Variants in HNF1B observed in about 807,000 individuals in gnomAD.
The protein encoded by HNF1B is HNF1 homeobox B, also known as hepatocyte nuclear factor 1-beta.
In HNF1B, 8 loss-of-function variants were observed where a neutral mutation model predicts 61.7. The ratio of observed to expected loss-of-function variants is 0.13; its 90% confidence interval spans 0.08 to 0.23. The LOEUF (loss-of-function observed/expected upper bound fraction) is 0.23. Ranked by LOEUF, HNF1B falls within the 10% of genes least tolerant of loss-of-function variation. The pLI is 1.00. For missense variants in HNF1B, 562 were observed against 714.5 expected (o/e 0.79, Z 2.43); for synonymous variants, 314 against 287.7 (o/e 1.09, Z -0.93).
At chr17:37,722,047 C>A (rs2147510099) in intron 4 of HNF1B, among the ~76,000 whole-genome samples, 1 of 152,196 alleles carries the variant, frequency 6.6e-6, no homozygotes, top group African/African-American at 2.4e-5. Context: ...GTGGAGGGAG[C>A]CATGTCTATT....
At chr17:37,724,897 T>C (rs2033440843) in intron 4 of HNF1B, among the ~76,000 whole-genome samples, 1 of 96,242 alleles carries the variant, frequency 1.0e-5, no homozygotes, top group Non-Finnish European at 1.9e-5. Context: ...AACTTCTATA[T>C]GTATGCGTGT....
chr17:37,698,463 T>C (rs1317051808), intron 8 of HNF1B, among the ~76,000 whole-genome samples: 1 of 152,112 alleles, frequency 6.6e-6, no homozygotes, highest in Non-Finnish European at 1.5e-5. Flanking sequence ...GCCTCTGGAT[T>C]CCCCACTTTC....
At chr17:37,696,010 G>C (rs1021741062) in intron 8 of HNF1B, among the ~76,000 whole-genome samples, 1 of 152,106 alleles carries the variant, frequency 6.6e-6, no homozygotes, top group Admixed American at 6.6e-5. Flanking sequence ...GGAATGATAT[G>C]GTCTGGATGT....
chr17:37,739,880 C>T (rs2033942358), intron 1 of HNF1B, among the ~76,000 whole-genome samples: 1 of 152,090 alleles, frequency 6.6e-6, no homozygotes, highest in Admixed American at 6.5e-5. Flanking sequence ...GACTTCCCAT[C>T]TTCAGGAATA....
At position 37,718,264 on chromosome 17, in the gene HNF1B, C is replaced by G. The variant is rs770864693; in HGVS notation, c.1046-7601G>C. 7.9e-5 allele frequency among the ~76,000 whole-genome samples: 12 copies of G among 152,226 alleles called. 1 individual carries two copies. The highest frequency in any genetic ancestry group is 3.2e-3 in the Middle Eastern group (1 of 316). ...GGGAGGTAGAAGACCAACAGAAACT[C>G]TGTGTGTCCTCCCCCACAAGGTCTA... On this transcript the variant is annotated intron_variant, in intron 4 of 8. Transcript: ENST00000617811.
intron 4 of HNF1B, 100 bp downstream of exon 4, chr17:37,731,495 A>G (rs1328144729): frequency 2.1e-6 from 2 of 952,856 alleles, no homozygotes; most frequent in Non-Finnish European, 3.3e-6. Context: ...GATCATCTCA[A>G]AAGCGTTTGC....
At chr17:37,735,138 A>G (rs2033796817) in intron 2 of HNF1B, among the ~76,000 whole-genome samples, 2 of 152,092 alleles carry the variant, frequency 1.3e-5, no homozygotes, top group South Asian at 4.2e-4. Flanking sequence ...CAGGTCACAG[A>G]AAGTGGAAGG....
chr17:37,735,678 C>G (rs751094901), intron 2 of HNF1B, among the ~76,000 whole-genome samples: 1 of 152,180 alleles, frequency 6.6e-6, no homozygotes, highest in African/African-American at 2.4e-5. Flanking sequence ...TGACTGAAAG[C>G]TTAGGGACAC....
At chr17:37,726,456 C>T (rs2033501184) in intron 4 of HNF1B, among the ~76,000 whole-genome samples, 1 of 152,182 alleles carries the variant, frequency 6.6e-6, no homozygotes, top group Admixed American at 6.5e-5. Context: ...TCAACACTGG[C>T]CATTAGAATT....
intron 6 of HNF1B, 72 bp downstream of exon 6, chr17:37,704,845 T>C: frequency 6.4e-7 from 1 of 1,559,002 alleles, no homozygotes; most frequent in East Asian, 2.2e-5. Flanking sequence ...ACAGTTATTT[T>C]TCACCACATT....
chr17:37,689,071 G>A (rs1472278632), intron 8 of HNF1B, among the ~76,000 whole-genome samples: 3 of 151,544 alleles, frequency 2.0e-5, no homozygotes, highest in African/African-American at 7.3e-5. Flanking sequence ...TTTGAACCCA[G>A]GAGGCGGAGG....
chr17:37,702,288 T>C (rs2032598005), intron 6 of HNF1B, among the ~76,000 whole-genome samples: 1 of 152,140 alleles, frequency 6.6e-6, no homozygotes, highest in Non-Finnish European at 1.5e-5. Context: ...TCAATGGAGA[T>C]AACACGGAGT....
chr17:37,723,105 C>T (rs1165486492), intron 4 of HNF1B, among the ~76,000 whole-genome samples: 4 of 151,568 alleles, frequency 2.6e-5, no homozygotes, highest in Non-Finnish European at 4.4e-5. Flanking sequence ...TTTGGGAGGC[C>T]GAGGCGGGCA....
Position 37,733,866 on chromosome 17 carries a change from C to T in HNF1B, c.545-45G>A, listed in dbSNP as rs1055888510. 8.2e-6 allele frequency: 13 copies of T among 1,592,970 alleles called. No homozygotes were observed. In the Admixed American group the frequency reaches 1.2e-4, roughly 15 times the overall value. On this transcript the variant is annotated intron_variant, in intron 2 of 8. Transcript: ENST00000617811. The stretch of plus-strand genomic sequence containing the variant: ...GATTTGATAGGGTCTGTAGCCTTCA[C>T]TCAGCAGACAGACAGACAGACAGAC...
chr17:37,738,873 C>T (rs577972380), intron 2 of HNF1B, among the ~76,000 whole-genome samples: 60 of 152,346 alleles, frequency 3.9e-4, no homozygotes, highest in Middle Eastern at 3.4e-3. Flanking sequence ...CACACTCTAC[C>T]AGTGTTGGTA....
intron 7 of HNF1B, among the ~76,000 whole-genome samples, chr17:37,700,362 T>C (rs990469553): frequency 2.0e-5 from 3 of 152,010 alleles, no homozygotes; most frequent in South Asian, 2.1e-4. Context: ...GGTATAGAAA[T>C]TGGATATGAG....
chr17:37,727,338 A>G (rs1428535925), intron 4 of HNF1B, among the ~76,000 whole-genome samples: 3 of 152,148 alleles, frequency 2.0e-5, no homozygotes, highest in African/African-American at 7.2e-5. Context: ...GTGGGGGCGG[A>G]TAAAGGCCTT....
rs1018558305 is a variant in HNF1B at position 37,739,354 on chromosome 17, C to T, written c.544+86G>A. On this transcript the variant is annotated intron_variant, in intron 2 of 8. Transcript: ENST00000617811. ...CTGCCAAGTGCTCACAAGGCCTTGTCGATGAAAGGGAAACTGAGGCAGCCA... is the reference window on the plus strand; with the variant it reads ...CTGCCAAGTGCTCACAAGGCCTTGTTGATGAAAGGGAAACTGAGGCAGCCA... 21 of 1,272,258 alleles carry T rather than the reference C, an allele frequency of 1.7e-5. No homozygotes were observed. The East Asian group carries it at 2.3e-4, about 14-fold the overall frequency. 78.8% of individuals were successfully genotyped at this position (1,272,258 alleles called of 1,614,324 possible).
chr17:37,705,534 T>A (rs1598810281), intron 5 of HNF1B, among the ~76,000 whole-genome samples: 1 of 152,158 alleles, frequency 6.6e-6, no homozygotes, highest in Non-Finnish European at 1.5e-5. Flanking sequence ...ATTACAAAAT[T>A]TTTTTTCTTT....
Sources: gnomAD v4.1 joint callset for allele counts (sites outside exome capture counted in the v4.1 genomes callset) on GRCh38, gnomAD v4.1.1 for gene constraint, MANE v1.5 for transcripts, NCBI Gene and HGNC (gene_info 2026-07-23, HGNC 2026-07-21) for gene names.